Variants in SLTM observed in about 807,000 individuals in gnomAD.
The protein encoded by SLTM is SAFB-like transcription modulator.
A neutral mutation model predicts 134.6 loss-of-function variants in SLTM; 43 were observed. That is an observed-to-expected ratio of 0.32 (90% CI 0.25 to 0.41). The LOEUF is 0.41. Among genes scored for constraint, SLTM ranks in the 10% least tolerant of loss-of-function variants. The pLI, the probability that SLTM is intolerant of heterozygous loss-of-function variation, is 1.00. For synonymous variants in SLTM, 424 were observed against 432.3 expected (o/e 0.98, Z 0.24); for missense variants, 1,055 against 1,288.8 (o/e 0.82, Z 2.78).
intron 2 of SLTM, 50 bp from the exon 3 acceptor site, chr15:58,917,049 A>G (rs1173264336): frequency 1.3e-6 from 2 of 1,552,830 alleles, no homozygotes; most frequent in Non-Finnish European, 1.8e-6. Flanking sequence ...TTACTTTAAG[A>G]ACAAAAAATA....
At chr15:58,931,909 A>T (rs2037906343) in intron 2 of SLTM, among the ~76,000 whole-genome samples, 1 of 152,248 alleles carries the variant, frequency 6.6e-6, no homozygotes, top group African/African-American at 2.4e-5. Flanking sequence ...ATAAATGCAA[A>T]TTAAGTTCAC....
rs1013035150 is a variant in SLTM at position 58,910,128 on chromosome 15, C to G, written c.561+2435G>C. On this transcript the variant is annotated intron_variant, in intron 5 of 20. Coordinates refer to ENST00000380516, the MANE Select transcript of SLTM (RefSeq NM_024755.4). ...TGCTAATATAAAAAATAAGAGTTCT[C>G]TTTTAGAGATACATATTGAAAATTT... Among the ~76,000 whole-genome samples the G allele has an allele frequency of 1.1e-4, 16 of 152,106 alleles. 1 individual carries two copies. Among genetic ancestry groups the G allele is most frequent in the Admixed American group, 2.6e-4 (4 of 15,276 alleles).
intron 16 of SLTM, 133 bp downstream of exon 16, chr15:58,889,297 G>A (rs778580037): frequency 2.2e-4 from 260 of 1,197,842 alleles, no homozygotes; most frequent in African/African-American, 1.1e-3. Context: ...CCCCAGTACT[G>A]TAATCCTTCC....
At chr15:58,894,704 TG>T (rs372992494) in intron 9 of SLTM, 122 bp from the exon 10 acceptor site, 123 of 812,734 alleles carry the variant, frequency 1.5e-4, no homozygotes, top group Admixed American at 4.6e-4. Flanking sequence ...TTCTGTCTCA[TG>T]TTTTTTTTTT....
In SLTM at chr15:58,899,910, T is replaced by C; in HGVS notation, c.617A>G (p.Gln206Arg). 1 of 1,612,872 alleles carries C rather than the reference T, an allele frequency of 6.2e-7. No individual in the cohort carries two copies. Among genetic ancestry groups the C allele is most frequent in the Non-Finnish European group, 8.5e-7 (1 of 1,179,142 alleles). Residue 206 changes from glutamine to arginine, a missense_variant, in exon 7 of 21, where the codon CAA (glutamine) becomes CGA (arginine). By Grantham distance (43) the Gln-to-Arg change is conservative. Coordinates refer to ENST00000380516, the MANE Select transcript of SLTM (RefSeq NM_024755.4). The surrounding 1 kb of genome is among the most constrained non-coding windows in gnomAD (Gnocchi z 5.0). ...TGAAGGAAGAGGTTTAGATACTTCT[T>C]GTGTACCATCACCAGAACCTGCTAT... ...KDIAGSGDGT[Q>R]EVSKPLPSEG...
At position 58,879,763 on chromosome 15, in the gene SLTM, A is replaced by T. The variant is rs757726239; in HGVS notation, c.*236T>A. The T allele has an allele frequency of 1.2e-5, 5 of 415,550 alleles. No individual in the cohort carries two copies. Among genetic ancestry groups the T allele is most frequent in the Admixed American group, 4.1e-5 (1 of 24,290 alleles). The allele number at this position is 415,550 out of a possible 1,614,324, so 25.7% of individuals were successfully genotyped here. A position where few individuals can be genotyped will look rare whatever the true frequency, so the allele number is the denominator to read the frequency against. ...AAACGACTTCAATTCCATCTTTTCAAATGTGCCTCGGTGCTGCAAGAAAAA... is the reference window on the plus strand; with the variant it reads ...AAACGACTTCAATTCCATCTTTTCATATGTGCCTCGGTGCTGCAAGAAAAA... On this transcript the variant is annotated 3_prime_UTR_variant, in exon 21 of 21. Transcript: ENST00000380516.
chr15:58,928,940 T>G (rs2037670716), intron 2 of SLTM, among the ~76,000 whole-genome samples: 1 of 152,220 alleles, frequency 6.6e-6, no homozygotes, highest in Non-Finnish European at 1.5e-5. Flanking sequence ...AACATCATTT[T>G]AGTTAAACAG....
chr15:58,879,855 G>A lies in SLTM; in HGVS notation c.*144C>T, dbSNP rs2033553564. On this transcript the variant is annotated 3_prime_UTR_variant, in exon 21 of 21. Coordinates refer to ENST00000380516, the MANE Select transcript of SLTM (RefSeq NM_024755.4). Reference sequence around the variant, plus strand: ...CTATTTAAACATCTTCTCCAAAATTGAGAAAAGCAATCATGTTAAATTTTT... The same window carrying A: ...CTATTTAAACATCTTCTCCAAAATTAAGAAAAGCAATCATGTTAAATTTTT... 8 of 1,012,136 alleles carry A rather than the reference G, an allele frequency of 7.9e-6. No homozygotes were observed. Among genetic ancestry groups the A allele is most frequent in the Non-Finnish European group, 1.1e-5 (8 of 731,186 alleles). 62.7% of individuals were successfully genotyped at this position (1,012,136 alleles called of 1,614,324 possible). A position where few individuals can be genotyped will look rare whatever the true frequency, so the allele number is the denominator to read the frequency against.
In SLTM at chr15:58,932,189, C is replaced by T. The variant is rs114242769; in HGVS notation, c.250+167G>A. On this transcript the variant is annotated intron_variant, in intron 2 of 20. Transcript: ENST00000380516. ...CAGCCGAATCTTAAGGGCTACAAGT[C>T]ACCCAAAGCCTGGCAACAGTAACTT... 1,666 of 583,376 alleles carry T rather than the reference C, an allele frequency of 2.9e-3. 20 individuals are homozygous for T. The highest frequency in any genetic ancestry group is 0.027 in the African/African-American group (1,434 of 54,032). The allele number at this position is 583,376 out of a possible 1,614,324, so 36.1% of individuals were successfully genotyped here. A position where few individuals can be genotyped will look rare whatever the true frequency, so the allele number is the denominator to read the frequency against.
intron 13 of SLTM, 47 bp downstream of exon 13, chr15:58,893,232 T>C: frequency 1.3e-6 from 2 of 1,502,276 alleles, no homozygotes; most frequent in Non-Finnish European, 1.8e-6. Flanking sequence ...TTATCTTCTT[T>C]TGTAAACAGC....
chr15:58,896,237 A>C (rs1053674310), intron 9 of SLTM, among the ~76,000 whole-genome samples: 1 of 152,030 alleles, frequency 6.6e-6, no homozygotes, highest in African/African-American at 2.4e-5. Flanking sequence ...CTTTTCCTTC[A>C]CAAGACTTAT....
chr15:58,897,030 A>G, intron 9 of SLTM, 85 bp downstream of exon 9: 1 of 784,568 alleles, frequency 1.3e-6, no homozygotes, highest in Admixed American at 2.0e-5. Flanking sequence ...AAATTAGAAG[A>G]TATTCATGTA....
chr15:58,895,372 T>C (rs2035004149), intron 9 of SLTM, among the ~76,000 whole-genome samples: 1 of 152,196 alleles, frequency 6.6e-6, no homozygotes, highest in African/African-American at 2.4e-5. Flanking sequence ...ACTTTCAATC[T>C]ATGTGCTTTT....
At chr15:58,894,391 A>G in intron 10 of SLTM, 42 bp downstream of exon 10, 2 of 1,611,222 alleles carry the variant, frequency 1.2e-6, no homozygotes, top group Non-Finnish European at 1.7e-6. Context: ...AGAACTAGCC[A>G]TCAAATTAGA....
At chr15:58,883,256 A>G (rs1204374898) in intron 20 of SLTM, among the ~76,000 whole-genome samples, 9 of 152,244 alleles carry the variant, frequency 5.9e-5, no homozygotes, top group African/African-American at 2.2e-4. Flanking sequence ...CGGAGGTTGC[A>G]GTGAGCCAAG....
At position 58,883,796 on chromosome 15, in the gene SLTM, T is replaced by C. The variant is rs199502478; in HGVS notation, c.2836-10A>G. 370 of 1,613,204 alleles carry C rather than the reference T, an allele frequency of 2.3e-4. No homozygotes were observed. The African/African-American group carries it at 3.8e-3, about 17-fold the overall frequency. ...GCTCCTCAGGATAGTGCTAAAAGAA[T>C]AGCATATGAAAAGTCACTTGGCCGG... On this transcript the variant is annotated splice_polypyrimidine_tract_variant and intron_variant, in intron 19 of 20. Transcript: ENST00000380516.
intron 12 of SLTM, 45 bp downstream of exon 12, chr15:58,893,776 G>T: frequency 6.5e-7 from 1 of 1,550,246 alleles, no homozygotes; most frequent in Non-Finnish European, 8.7e-7. Flanking sequence ...TAAAAATTAA[G>T]TAGTAGAATG....
rs1275360066 is a variant in SLTM at position 58,879,888 on chromosome 15, A to G, written c.*111T>C. 7 of 1,301,648 alleles carry G rather than the reference A, an allele frequency of 5.4e-6. No homozygotes were observed. Among genetic ancestry groups the G allele is most frequent in the Non-Finnish European group, 7.1e-6 (7 of 981,290 alleles). 80.6% of individuals were successfully genotyped at this position (1,301,648 alleles called of 1,614,324 possible). A position where few individuals can be genotyped will look rare whatever the true frequency, so the allele number is the denominator to read the frequency against. On this transcript the variant is annotated 3_prime_UTR_variant, in exon 21 of 21. Coordinates refer to ENST00000380516, the MANE Select transcript of SLTM (RefSeq NM_024755.4). Reference sequence around the variant, plus strand: ...CAATCATGTTAAATTTTTAAAAAGAAAAGTCTGACAGAACTCTCAAGCAAG... The same window carrying G: ...CAATCATGTTAAATTTTTAAAAAGAGAAGTCTGACAGAACTCTCAAGCAAG...
rs1439449128 is a variant in SLTM, at chr15:58,889,446, G to A, written c.2188C>T (p.Arg730Cys). The change falls in exon 16 of 21, where the codon CGT (arginine) becomes TGT (cysteine). Residue 730 changes from arginine to cysteine, a missense_variant. Physicochemically the swap from Arg to Cys is radical, Grantham distance 180. Transcript: ENST00000380516. ...AGTAACTACCTATGATCTACATCAC[G>A]TGGGCGTTTCAAGGAATTCCTTTTT... ...QEKRNSLKRPRDVDHRRDDPY... is the reference protein window; with the variant it reads ...QEKRNSLKRPCDVDHRRDDPY... The A allele has an allele frequency of 5.6e-6, 9 of 1,613,810 alleles. No individual in the cohort carries two copies. The highest frequency in any genetic ancestry group is 1.1e-5 in the South Asian group (1 of 91,082).
Sources: gnomAD v4.1 joint callset for allele counts (sites outside exome capture counted in the v4.1 genomes callset) on GRCh38, gnomAD v4.1.1 for gene constraint, Gnocchi (gnomAD v3.1) non-coding constraint, MANE v1.5 for transcripts, NCBI Gene and HGNC (gene_info 2026-07-23, HGNC 2026-07-21) for gene names.